The following DNM3 variants were observed in gnomAD, a reference collection of about 807,000 sequenced individuals.
DNM3 encodes the protein dynamin-3.
A neutral mutation model predicts 101.6 loss-of-function variants in DNM3; 47 were observed. That is an observed-to-expected ratio of 0.46 (90% CI 0.37 to 0.59). The LOEUF is 0.59. DNM3 is among the 20% of genes least tolerant of loss of function. The pLI is 0.00. For synonymous variants in DNM3, 385 were observed against 387.9 expected (o/e 0.99, Z 0.09); for missense variants, 849 against 1,085.7 (o/e 0.78, Z 3.06).
Position 172,234,140 on chromosome 1 carries a change from C to A in DNM3, c.1660-19433C>A, listed in dbSNP as rs2061444518. ...ATGACATGATTGTATATCTAGAAAA[C>A]CTCATTGTCTCAGCCCAAAATCTCC... On this transcript the variant is annotated intron_variant, in intron 14 of 20. Transcript: ENST00000627582. Among the ~76,000 whole-genome samples the A allele has an allele frequency of 1.3e-5, 2 of 152,120 alleles. 1 individual carries two copies. The highest frequency in any genetic ancestry group is 4.2e-4 in the South Asian group (2 of 4,814).
rs117193008 is a variant in DNM3, at chr1:171,882,407, C to T, written c.162-39341C>T. Among the ~76,000 whole-genome samples the T allele has an allele frequency of 2.9e-4, 40 of 136,634 alleles. No individual in the cohort carries two copies. The East Asian group carries it at 7.8e-3, about 27-fold the overall frequency. The allele number at this position is 136,634 out of a possible 152,430, so 89.6% of individuals were successfully genotyped here. A position where few individuals can be genotyped will look rare whatever the true frequency, so the allele number is the denominator to read the frequency against. ...ATGCTTTGCCACATTTGCTTTATCT[C>T]GTTTTGTCTCTGTCTCTCTCTATAC... On this transcript the variant is annotated intron_variant, in intron 1 of 20. Coordinates refer to ENST00000627582, the MANE Select transcript of DNM3 (RefSeq NM_015569.5).
chr1:172,344,915 G>A (rs78921089), intron 17 of DNM3, among the ~76,000 whole-genome samples: 5 of 152,260 alleles, frequency 3.3e-5, no homozygotes, highest in African/African-American at 1.2e-4. Context: ...ATCACAAAAT[G>A]TGTTTTTCTA....
At chr1:171,969,349 A>T (rs1309221934) in intron 2 of DNM3, among the ~76,000 whole-genome samples, 1 of 152,202 alleles carries the variant, frequency 6.6e-6, no homozygotes, top group Admixed American at 6.5e-5. Flanking sequence ...AGGGGGAATG[A>T]ATGAGCACAA....
chr1:172,070,776 GA>G (rs757831878), intron 11 of DNM3, among the ~76,000 whole-genome samples: 34 of 151,956 alleles, frequency 2.2e-4, no homozygotes, highest in Non-Finnish European at 4.4e-4. Context: ...GACATTTTGT[GA>G]GGATGGAAAG....
chr1:172,281,308 A>C (rs2063482417), intron 15 of DNM3, among the ~76,000 whole-genome samples: 1 of 152,158 alleles, frequency 6.6e-6, no homozygotes, highest in Non-Finnish European at 1.5e-5. Flanking sequence ...AGATGGAAAA[A>C]TGACAGAGTT....
chr1:172,096,024 G>T (rs1275958416), intron 13 of DNM3, among the ~76,000 whole-genome samples: 1 of 152,164 alleles, frequency 6.6e-6, no homozygotes, highest in Non-Finnish European at 1.5e-5. Flanking sequence ...CCCTCAGGAA[G>T]CCCACAGCTC....
intron 18 of DNM3, among the ~76,000 whole-genome samples, chr1:172,385,243 C>A (rs1422732550): frequency 6.6e-6 from 1 of 152,200 alleles, no homozygotes; most frequent in African/African-American, 2.4e-5. Context: ...TAACAGATTT[C>A]TTTATTTTCA....
chr1:172,060,353 G>T (rs1281587427), intron 10 of DNM3, among the ~76,000 whole-genome samples: 2 of 89,934 alleles, frequency 2.2e-5, no homozygotes, highest in Non-Finnish European at 4.2e-5. Flanking sequence ...CTACTTTAAA[G>T]TTCATATGGA....
At chr1:172,302,275 A>G (rs564683106) in intron 15 of DNM3, among the ~76,000 whole-genome samples, 124 of 152,346 alleles carry the variant, frequency 8.1e-4, no homozygotes, top group African/African-American at 2.9e-3. Context: ...CTGCTAGTAC[A>G]GCAGTCTGAG....
chr1:171,948,017 C>T (rs142604304), intron 2 of DNM3, among the ~76,000 whole-genome samples: 4 of 152,324 alleles, frequency 2.6e-5, no homozygotes, highest in African/African-American at 7.2e-5. Flanking sequence ...CTTAAAATTA[C>T]ACCACCTATG....
intron 14 of DNM3, chr1:172,138,051 A>G (rs200033824): frequency 6.6e-6 from 1 of 152,118 alleles, no homozygotes; most frequent in East Asian, 1.9e-4. Context: ...TGTAAATTCT[A>G]CTCCTAGAAC....
intron 2 of DNM3, among the ~76,000 whole-genome samples, chr1:171,925,263 T>C (rs754645022): frequency 6.6e-5 from 10 of 151,728 alleles, no homozygotes; most frequent in Non-Finnish European, 1.3e-4. Flanking sequence ...AGTCTTGCTC[T>C]GTCACCCAGG....
intron 4 of DNM3, among the ~76,000 whole-genome samples, chr1:171,996,941 A>G (rs2046036967): frequency 6.6e-6 from 1 of 151,982 alleles, no homozygotes; most frequent in African/African-American, 2.4e-5. Flanking sequence ...CTAAAGTGGG[A>G]GGATTACCTG....
Position 172,042,046 on chromosome 1 carries a change from A to G in DNM3, c.1030A>G (p.Ile344Val). 9.4e-6 allele frequency: 15 copies of G among 1,603,982 alleles called. No homozygotes were observed. The highest frequency in any genetic ancestry group is 1.3e-5 in the Non-Finnish European group (15 of 1,177,384). The change falls in exon 8 of 21, where the codon ATT becomes GTT. Residue 344 changes from isoleucine to valine, a missense_variant. By Grantham distance (29) the Ile-to-Val change is conservative. Coordinates refer to ENST00000627582, the MANE Select transcript of DNM3 (RefSeq NM_015569.5). ...ATTTGCTGTGGACTTTGAGAAGAGA[A>G]TTGAAGGGTCAGGGGATCAAGTAGA... Reference protein sequence around the residue: ...QQFAVDFEKRIEGSGDQVDTL... With the variant: ...QQFAVDFEKRVEGSGDQVDTL...
intron 14 of DNM3, among the ~76,000 whole-genome samples, chr1:172,136,199 A>G (rs1414219086): frequency 6.6e-6 from 1 of 152,176 alleles, no homozygotes; most frequent in Non-Finnish European, 1.5e-5. Flanking sequence ...TAAGGAGATT[A>G]TATAATTCCC....
intron 1 of DNM3, among the ~76,000 whole-genome samples, chr1:171,866,731 G>T (rs187269505): frequency 1.1e-4 from 17 of 151,828 alleles, no homozygotes; most frequent in African/African-American, 4.1e-4. Flanking sequence ...TAGAATGTGT[G>T]TATGTTTTAA....
chr1:172,334,649 A>G (rs1230621948), intron 17 of DNM3, among the ~76,000 whole-genome samples: 1 of 152,214 alleles, frequency 6.6e-6, no homozygotes, highest in Non-Finnish European at 1.5e-5. Flanking sequence ...CTCTGGCTAC[A>G]TGCAGTCCAC....
chr1:172,386,894 C>T, intron 18 of DNM3: 1 of 459,694 alleles, frequency 2.2e-6, no homozygotes, highest in Non-Finnish European at 4.0e-6. Flanking sequence ...TTCTTCTACT[C>T]ATCTCTATCA....
intron 14 of DNM3, among the ~76,000 whole-genome samples, chr1:172,132,062 C>CT (rs2056966274): frequency 6.6e-6 from 1 of 152,126 alleles, no homozygotes; most frequent in African/African-American, 2.4e-5. Context: ...ACCTGATAAT[C>CT]TTTTGGTACT....
Sources: gnomAD v4.1 joint callset for allele counts (sites outside exome capture counted in the v4.1 genomes callset) on GRCh38, gnomAD v4.1.1 for gene constraint, MANE v1.5 for transcripts, NCBI Gene and HGNC (gene_info 2026-07-23, HGNC 2026-07-21) for gene names.